The following MYOM1 variants were observed in gnomAD, a reference collection of about 807,000 sequenced individuals.
The protein encoded by MYOM1 is myomesin-1.
A neutral mutation model predicts 205.3 loss-of-function variants in MYOM1; 164 were observed. The ratio of observed to expected loss-of-function variants is 0.80; its 90% confidence interval spans 0.70 to 0.91. The LOEUF (loss-of-function observed/expected upper bound fraction) is 0.91. MYOM1 is among the 40% of genes least tolerant of loss of function. The pLI, the probability that MYOM1 is intolerant of heterozygous loss-of-function variation, is 0.00. For synonymous variants in MYOM1, 772 were observed against 789.4 expected (o/e 0.98, Z 0.37); for missense variants, 2,011 against 2,127.3 (o/e 0.95, Z 1.08).
rs2079943743 is a variant in MYOM1 at position 3,135,537 on chromosome 18, A to C, written c.2209+10T>G. ...TTCTCTTGAAGTAAAAGAAGTTTAC[A>C]GTTGCTTACCAAGTTTGTCCCCTAC... On this transcript the variant is annotated intron_variant, in intron 15 of 37. Coordinates refer to ENST00000356443, the MANE Select transcript of MYOM1 (RefSeq NM_003803.4). The surrounding 1 kb of genome is among the most constrained non-coding windows in gnomAD (Gnocchi z 4.1). 4 of 1,610,378 alleles carry C rather than the reference A, an allele frequency of 2.5e-6. No homozygotes were observed. In the South Asian group the frequency reaches 4.4e-5, roughly 18 times the overall value.
Position 3,214,891 on chromosome 18 carries a change from C to T in MYOM1, c.290+43G>A, listed in dbSNP as rs1468382590. ...TGGGAGGGTTACTCAGAGCACACGC[C>T]TCTTCCTGAGGTTGGAAGGTTGGAG... is the stretch of plus-strand genomic sequence containing the variant. On this transcript the variant is annotated intron_variant, in intron 2 of 37. Transcript: ENST00000356443. 2.6e-6 allele frequency: 4 copies of T among 1,532,638 alleles called. No homozygotes were observed. The African/African-American group carries it at 4.1e-5, about 16-fold the overall frequency. 94.9% of individuals were successfully genotyped at this position (1,532,638 alleles called of 1,614,324 possible). A position where few individuals can be genotyped will look rare whatever the true frequency, so the allele number is the denominator to read the frequency against.
At chr18:3,112,522 AC>A in intron 21 of MYOM1, 110 bp from the exon 22 acceptor site, 1 of 695,092 alleles carries the variant, frequency 1.4e-6, no homozygotes, top group Non-Finnish European at 2.3e-6. Flanking sequence ...GTGACCTAGC[AC>A]CAGGGATACA....
At chr18:3,128,143 A>G (rs2079821752) in intron 18 of MYOM1, among the ~76,000 whole-genome samples, 1 of 152,250 alleles carries the variant, frequency 6.6e-6, no homozygotes, top group South Asian at 2.1e-4. Flanking sequence ...AAGGCTTTTA[A>G]AATAAAATAC....
chr18:3,102,103 G>A (rs2079386238), intron 23 of MYOM1, among the ~76,000 whole-genome samples: 1 of 142,522 alleles, frequency 7.0e-6, no homozygotes, highest in Non-Finnish European at 1.5e-5. Context: ...CCGGGTTCAC[G>A]CCATTCTCCT....
At chr18:3,080,105 T>C (rs1334448199) in intron 33 of MYOM1, among the ~76,000 whole-genome samples, 1 of 152,114 alleles carries the variant, frequency 6.6e-6, no homozygotes, top group African/African-American at 2.4e-5. Flanking sequence ...AGAAACTTTA[T>C]GAAGAAGTTA....
At chr18:3,192,884 AT>A (rs10708387) in intron 3 of MYOM1, among the ~76,000 whole-genome samples, 46,059 of 151,950 alleles carry the variant, frequency 0.3, 7,889 homozygotes, top group Non-Finnish European at 0.39. Flanking sequence ...TTATGATGAG[AT>A]TTTTTCCCCC....
intron 11 of MYOM1, 31 bp from the exon 12 acceptor site, chr18:3,151,924 T>C: frequency 6.3e-7 from 1 of 1,596,634 alleles, no homozygotes; most frequent in Non-Finnish European, 8.6e-7. Context: ...GACAAAAATA[T>C]TAAAAGAAGT....
At chr18:3,221,660 G>A (rs892051103), upstream of MYOM1, among the ~76,000 whole-genome samples, 4 of 152,320 alleles carry the variant, frequency 2.6e-5, no homozygotes, top group African/African-American at 7.2e-5. Flanking sequence ...TAAGAAACTA[G>A]ACATTTTGAA....
chr18:3,100,542 A>G (rs1277450183), intron 23 of MYOM1, 116 bp from the exon 24 acceptor site: 8 of 715,186 alleles, frequency 1.1e-5, no homozygotes, highest in Non-Finnish European at 1.7e-5. Context: ...ACCTCCTCTC[A>G]TCTTGCTGAG....
At chr18:3,147,046 T>TTATATATTATATATAAATA (rs2080133761) in intron 13 of MYOM1, among the ~76,000 whole-genome samples, 1 of 141,392 alleles carries the variant, frequency 7.1e-6, no homozygotes, top group African/African-American at 2.8e-5. Context: ...TATATAAATA[T>TTATATATTATATATAAATA]TATATATTAT....
At chr18:3,205,627 A>C (rs2081115836) in intron 2 of MYOM1, among the ~76,000 whole-genome samples, 1 of 152,224 alleles carries the variant, frequency 6.6e-6, no homozygotes, top group African/African-American at 2.4e-5. Flanking sequence ...GGAAGGTAAA[A>C]CAGTACAACC....
chr18:3,183,025 G>A (rs1288110659), intron 5 of MYOM1, among the ~76,000 whole-genome samples: 2 of 147,230 alleles, frequency 1.4e-5, no homozygotes, highest in African/African-American at 2.5e-5. Flanking sequence ...CGCCTTCCGC[G>A]TTCCATCGAT....
At chr18:3,089,477 C>A in intron 28 of MYOM1, 60 bp downstream of exon 28, 1 of 1,269,828 alleles carries the variant, frequency 7.9e-7, no homozygotes, top group African/African-American at 1.5e-5. Flanking sequence ...TGGAAATAAC[C>A]TTGGAATCTT....
At chr18:3,174,058 CA>C (rs908751431) in intron 7 of MYOM1, 58 bp from the exon 8 acceptor site, 18 of 1,607,364 alleles carry the variant, frequency 1.1e-5, no homozygotes, top group Admixed American at 1.7e-5. Flanking sequence ...ATTTTAAAAC[CA>C]TGGGAAGAAA....
chr18:3,098,308 T>C (rs1251574000), intron 25 of MYOM1, among the ~76,000 whole-genome samples: 1 of 152,062 alleles, frequency 6.6e-6, no homozygotes, highest in East Asian at 1.9e-4. Context: ...GATGGAGTCT[T>C]GCTCTGTCAC....
intron 20 of MYOM1, among the ~76,000 whole-genome samples, chr18:3,118,075 A>C (rs1361941166): frequency 1.3e-5 from 2 of 152,164 alleles, no homozygotes; most frequent in Non-Finnish European, 2.9e-5. Flanking sequence ...AAGCAGACCT[A>C]GTTTCCTACC....
Position 3,079,182 on chromosome 18 carries a change from G to GTCCA in MYOM1, c.4641_4644dup (p.Gln1549TrpfsTer6). 1 of 1,613,544 alleles carries GTCCA rather than the reference G, an allele frequency of 6.2e-7. No individual in the cohort carries two copies. The highest frequency in any genetic ancestry group is 8.5e-7 in the Non-Finnish European group (1 of 1,179,766). On this transcript the variant is annotated frameshift_variant, in exon 34 of 38. Transcript: ENST00000356443. LOFTEE classifies it high-confidence loss of function. ...AATCTGCAAAATATCTGTTTACCTT[G>GTCCA]TCCAGAGAGATCCACTGTCTTCTGA...
Position 3,131,595 on chromosome 18 carries a change from CT to C in MYOM1, c.2385-100del, listed in dbSNP as rs34489383. The C allele has an allele frequency of 0.19, 172,202 of 908,914 alleles. 14,248 individuals carry two copies. Among genetic ancestry groups the C allele is most frequent in the Non-Finnish European group, 0.2 (128,539 of 637,682 alleles). The allele number at this position is 908,914 out of a possible 1,614,324, so 56.3% of individuals were successfully genotyped here. A position where few individuals can be genotyped will look rare whatever the true frequency, so the allele number is the denominator to read the frequency against. On this transcript the variant is annotated intron_variant, in intron 16 of 37. Coordinates refer to ENST00000356443, the MANE Select transcript of MYOM1 (RefSeq NM_003803.4). ...TGGATCTGGCTTTATGAAAACAATT[CT>C]TTTTTTTTTATTGTGATTTATTTTG...
chr18:3,090,571 C>T (rs2079212111), intron 27 of MYOM1, 87 bp downstream of exon 27: 3 of 1,531,740 alleles, frequency 2.0e-6, no homozygotes, highest in Non-Finnish European at 2.7e-6. Flanking sequence ...TTCCTACTAC[C>T]TTTCAAATAA....
Sources: gnomAD v4.1 joint callset for allele counts (sites outside exome capture counted in the v4.1 genomes callset) on GRCh38, gnomAD v4.1.1 for gene constraint, Gnocchi (gnomAD v3.1) non-coding constraint, MANE v1.5 for transcripts, NCBI Gene and HGNC (gene_info 2026-07-23, HGNC 2026-07-21) for gene names.